ATP8A2: variants seen among roughly 807,000 people sequenced by gnomAD.
ATP8A2 encodes the protein ATPase phospholipid transporting 8A2.
Under a neutral mutation model 165.6 loss-of-function variants are expected in ATP8A2, and 100 were observed. The ratio of observed to expected loss-of-function variants is 0.60; its 90% CI spans 0.51 to 0.71. ATP8A2 has a LOEUF of 0.71. ATP8A2 is among the 30% of genes least tolerant of loss of function. The probability of loss-of-function intolerance (pLI) is 0.00; values close to 1 mark genes in which losing one functional copy is unlikely to be tolerated. For synonymous variants in ATP8A2, 543 were observed against 548.8 expected (o/e 0.99, Z 0.15); for missense variants, 1,227 against 1,479.5 (o/e 0.83, Z 2.80).
At chr13:25,449,472 CT>C (rs1186721578) in intron 1 of ATP8A2, among the ~76,000 whole-genome samples, 3 of 152,126 alleles carry the variant, frequency 2.0e-5, no homozygotes, top group Admixed American at 6.5e-5. Flanking sequence ...TGTGCTGAGA[CT>C]TGTTGTATGC....
intron 30 of ATP8A2, among the ~76,000 whole-genome samples, chr13:25,846,030 G>T (rs763350252): frequency 6.6e-6 from 1 of 152,180 alleles, no homozygotes; most frequent in Non-Finnish European, 1.5e-5. Context: ...ACAAAAATTG[G>T]CTGGGCTTGG....
At position 25,806,206 on chromosome 13, in the gene ATP8A2, G is replaced by A. The variant is rs575275876; in HGVS notation, c.2680-21912G>A. 9.2e-5 allele frequency among the ~76,000 whole-genome samples: 14 copies of A among 152,238 alleles called. No homozygotes were observed. In the South Asian group the frequency reaches 1.9e-3, roughly 20 times the overall value. On this transcript the variant is annotated intron_variant, in intron 27 of 36. Coordinates refer to ENST00000381655, the MANE Select transcript of ATP8A2 (RefSeq NM_016529.6). Reference sequence around the variant, plus strand: ...CAGCTCTCAAATCCACCTCCCTGCCGATAAGACTTAGGAATATTTTTGGGT... The same window carrying A: ...CAGCTCTCAAATCCACCTCCCTGCCAATAAGACTTAGGAATATTTTTGGGT...
At chr13:25,909,672 A>T (rs1033084212) in intron 33 of ATP8A2, among the ~76,000 whole-genome samples, 16 of 152,176 alleles carry the variant, frequency 1.1e-4, no homozygotes, top group African/African-American at 3.9e-4. Flanking sequence ...AACCATTTTT[A>T]AGTGTACAAT....
At chr13:25,559,354 G>C (rs2039074879) in intron 14 of ATP8A2, among the ~76,000 whole-genome samples, 1 of 152,150 alleles carries the variant, frequency 6.6e-6, no homozygotes, top group Admixed American at 6.5e-5. Flanking sequence ...CTAACATGAT[G>C]AAACCTTGTC....
intron 33 of ATP8A2, among the ~76,000 whole-genome samples, chr13:25,862,947 T>C (rs1952399993): frequency 6.6e-6 from 1 of 152,212 alleles, no homozygotes; most frequent in African/African-American, 2.4e-5. Flanking sequence ...TTGAATGTTT[T>C]TTATTTTTTC....
At chr13:25,459,786 C>G (rs1044260982) in intron 1 of ATP8A2, among the ~76,000 whole-genome samples, 5 of 152,106 alleles carry the variant, frequency 3.3e-5, no homozygotes, top group African/African-American at 1.2e-4. Context: ...AGAAGGTCAT[C>G]ATGGGTGGGG....
intron 33 of ATP8A2, among the ~76,000 whole-genome samples, chr13:25,864,377 G>T (rs1952444719): frequency 6.6e-6 from 1 of 152,118 alleles, no homozygotes; most frequent in Non-Finnish European, 1.5e-5. Context: ...CGTGAATTAG[G>T]CTGCTTGCCA....
In ATP8A2 at chr13:25,642,665, C is replaced by T. The variant is rs148226371; in HGVS notation, c.2211+52966C>T. Among the ~76,000 whole-genome samples, 837 of 152,050 alleles carry T rather than the reference C, an allele frequency of 5.5e-3. 8 individuals are homozygous for T. The highest frequency in any genetic ancestry group is 0.019 in the African/African-American group (805 of 41,528). ...TGTTGTTACTGTAAACTAGTTCAAC[C>T]ATTGTGTAAGACCATTTGACTATTT... On this transcript the variant is annotated intron_variant, in intron 24 of 36. Coordinates refer to ENST00000381655, the MANE Select transcript of ATP8A2 (RefSeq NM_016529.6).
intron 2 of ATP8A2, among the ~76,000 whole-genome samples, chr13:25,471,932 C>G (rs2035856451): frequency 6.6e-6 from 1 of 152,174 alleles, no homozygotes; most frequent in Non-Finnish European, 1.5e-5. Flanking sequence ...TTTCTGAGTT[C>G]ATGGCTTATA....
chr13:25,878,270 C>A (rs577741227), intron 33 of ATP8A2, among the ~76,000 whole-genome samples: 31 of 152,008 alleles, frequency 2.0e-4, no homozygotes, highest in African/African-American at 7.3e-4. Flanking sequence ...TAAGGTATGT[C>A]GAAACAAATG....
intron 34 of ATP8A2, among the ~76,000 whole-genome samples, chr13:25,962,659 T>C (rs1045880047): frequency 3.3e-5 from 5 of 152,198 alleles, no homozygotes; most frequent in Non-Finnish European, 7.3e-5. Context: ...TCGGCTTTAC[T>C]TTGGGCAAAA....
intron 35 of ATP8A2, among the ~76,000 whole-genome samples, chr13:25,995,626 A>G (rs556405604): frequency 2.0e-5 from 3 of 151,482 alleles, no homozygotes; most frequent in African/African-American, 7.3e-5. Flanking sequence ...ATTTATTTCT[A>G]GTTTGATTCC....
intron 7 of ATP8A2, among the ~76,000 whole-genome samples, chr13:25,539,598 G>A (rs937208525): frequency 5.3e-5 from 8 of 152,098 alleles, no homozygotes; most frequent in Non-Finnish European, 8.8e-5. Flanking sequence ...TTGAGATACG[G>A]AGAGACTAAA....
Position 25,468,964 on chromosome 13 carries a change from C to T in ATP8A2, c.77-13C>T. The T allele has an allele frequency of 6.2e-7, 1 of 1,613,360 alleles. No individual in the cohort carries two copies. Among genetic ancestry groups the T allele is most frequent in the Non-Finnish European group, 8.5e-7 (1 of 1,179,480 alleles). On this transcript the variant is annotated splice_polypyrimidine_tract_variant and intron_variant, in intron 1 of 36. Transcript: ENST00000381655. ...TTTGTGTCGTATTCTCTGCCTGCGC[C>T]CTGTCTCTGCAGGACCTGTTCGTTC... is the stretch of plus-strand genomic sequence containing the variant.
intron 30 of ATP8A2, among the ~76,000 whole-genome samples, chr13:25,840,361 A>T (rs1227293983): frequency 6.6e-6 from 1 of 152,266 alleles, no homozygotes; most frequent in Non-Finnish European, 1.5e-5. Flanking sequence ...TTGTTCAAAG[A>T]ACCAAAGAAT....
chr13:25,493,549 A>G (rs2036587244), intron 2 of ATP8A2, among the ~76,000 whole-genome samples: 1 of 152,172 alleles, frequency 6.6e-6, no homozygotes, highest in Non-Finnish European at 1.5e-5. Context: ...ATATGCGGGA[A>G]CCGGAAGTGA....
At chr13:25,655,387 G>A (rs993605253) in intron 24 of ATP8A2, among the ~76,000 whole-genome samples, 3 of 152,090 alleles carry the variant, frequency 2.0e-5, no homozygotes, top group South Asian at 2.1e-4. Context: ...CTCGAACTCC[G>A]ACCTCAGGTG....
At chr13:25,868,642 CA>C (rs1952587625) in intron 33 of ATP8A2, among the ~76,000 whole-genome samples, 1 of 152,160 alleles carries the variant, frequency 6.6e-6, no homozygotes. Context: ...ATGCAAAGCA[CA>C]ATGAGCGAAG....
At chr13:25,893,348 G>A (rs934189464) in intron 33 of ATP8A2, among the ~76,000 whole-genome samples, 6 of 151,604 alleles carry the variant, frequency 4.0e-5, no homozygotes, top group Non-Finnish European at 7.4e-5. Context: ...ATGGTTTCCA[G>A]CTTCATCCAT....
Sources: allele counts gnomAD v4.1 joint callset (sites outside exome capture counted in the v4.1 genomes callset), GRCh38; gene constraint gnomAD v4.1.1; transcripts MANE v1.5; gene names NCBI Gene and HGNC (gene_info 2026-07-23, HGNC 2026-07-21).